The following CSMD3 variants were observed in gnomAD, a reference collection of about 807,000 sequenced individuals.
The protein encoded by CSMD3 is CUB and sushi domain-containing protein 3.
CSMD3 carries 177 observed loss-of-function variants against 435.2 expected under a neutral mutation model. That is an observed-to-expected ratio of 0.41 (90% CI 0.36 to 0.46). CSMD3 has a LOEUF of 0.46. CSMD3 is among the 20% of genes least tolerant of loss of function. The pLI, the probability that CSMD3 is intolerant of heterozygous loss-of-function variation, is 0.34. For synonymous variants in CSMD3, 1,656 were observed against 1,520.5 expected (o/e 1.09, Z -2.07); for missense variants, 4,265 against 4,504.6 (o/e 0.95, Z 1.52).
At chr8:113,263,587 T>C (rs553023633) in intron 3 of CSMD3, among the ~76,000 whole-genome samples, 18 of 151,902 alleles carry the variant, frequency 1.2e-4, no homozygotes, top group Non-Finnish European at 2.2e-4. Flanking sequence ...CCTCAACCTA[T>C]GACCAAATGA....
intron 12 of CSMD3, among the ~76,000 whole-genome samples, chr8:112,829,010 A>G (rs1391170549): frequency 6.6e-6 from 1 of 152,144 alleles, no homozygotes; most frequent in Admixed American, 6.5e-5. Context: ...AATTAAAAAG[A>G]AAATAAAAAG....
At chr8:112,477,938 G>T (rs537425465) in intron 31 of CSMD3, among the ~76,000 whole-genome samples, 1 of 152,208 alleles carries the variant, frequency 6.6e-6, no homozygotes, top group East Asian at 1.9e-4. Context: ...CTGGTGGGAG[G>T]TCACTGAATC....
At chr8:113,233,109 G>C (rs2093107531) in intron 3 of CSMD3, among the ~76,000 whole-genome samples, 1 of 151,588 alleles carries the variant, frequency 6.6e-6, no homozygotes. Flanking sequence ...AAAAAATTAG[G>C]TATAATACCT....
Position 112,249,088 on chromosome 8 carries a change from G to T in CSMD3, c.10111-1957C>A, listed in dbSNP as rs116110140. On this transcript the variant is annotated intron_variant, in intron 63 of 70. Coordinates refer to ENST00000297405, the MANE Select transcript of CSMD3 (RefSeq NM_198123.2). ...ATACAGTTTGCAGTTCTATTCTTCAGTCAAACCAGTTCTACAAAATCCATC... is the reference window on the plus strand; with the variant it reads ...ATACAGTTTGCAGTTCTATTCTTCATTCAAACCAGTTCTACAAAATCCATC... Among the ~76,000 whole-genome samples, 504 of 152,140 alleles carry T rather than the reference G, an allele frequency of 3.3e-3. 4 individuals are homozygous for T. The highest frequency in any genetic ancestry group is 0.012 in the African/African-American group (490 of 41,520).
At chr8:113,170,790 T>G (rs904510464) in intron 4 of CSMD3, among the ~76,000 whole-genome samples, 5 of 152,132 alleles carry the variant, frequency 3.3e-5, no homozygotes, top group African/African-American at 1.2e-4. Flanking sequence ...AGTAAATTTA[T>G]TCATTAGTTT....
At chr8:112,277,603 G>A (rs1189474576) in intron 59 of CSMD3, among the ~76,000 whole-genome samples, 1 of 152,106 alleles carries the variant, frequency 6.6e-6, no homozygotes, top group East Asian at 1.9e-4. Context: ...CTTTACAGCA[G>A]CACCCAACTG....
At chr8:113,090,479 T>C (rs924273078) in intron 5 of CSMD3, among the ~76,000 whole-genome samples, 12 of 152,128 alleles carry the variant, frequency 7.9e-5, no homozygotes, top group African/African-American at 2.9e-4. Flanking sequence ...TTTTAGAAAA[T>C]TGTAGGTTCT....
At chr8:112,312,546 G>C (rs570441725) in intron 49 of CSMD3, among the ~76,000 whole-genome samples, 1 of 152,030 alleles carries the variant, frequency 6.6e-6, no homozygotes, top group Admixed American at 6.6e-5. Flanking sequence ...GTGAGCCACC[G>C]CGCCTGGCCA....
chr8:113,168,471 G>C (rs1221609243), intron 4 of CSMD3, among the ~76,000 whole-genome samples: 2 of 127,952 alleles, frequency 1.6e-5, no homozygotes, highest in African/African-American at 5.9e-5. Context: ...CAGTAAGCCG[G>C]GATCGTGCCA....
intron 28 of CSMD3, among the ~76,000 whole-genome samples, chr8:112,514,940 A>T (rs1263438045): frequency 3.3e-5 from 5 of 151,884 alleles, no homozygotes; most frequent in African/African-American, 1.2e-4. Context: ...GCTCTAATTT[A>T]TATCTTCCCC....
At chr8:113,133,628 T>A (rs535545399) in intron 4 of CSMD3, among the ~76,000 whole-genome samples, 5 of 152,236 alleles carry the variant, frequency 3.3e-5, no homozygotes, top group African/African-American at 9.6e-5. Flanking sequence ...TATTTGCACA[T>A]CCATGTTCAT....
chr8:112,808,684 A>T (rs1291919790), intron 12 of CSMD3, among the ~76,000 whole-genome samples: 1 of 152,036 alleles, frequency 6.6e-6, no homozygotes, highest in Admixed American at 6.6e-5. Flanking sequence ...TCCTGTAACC[A>T]TTTATCTTTT....
At position 113,040,188 on chromosome 8, in the gene CSMD3, T is replaced by C. The variant is rs1241623321; in HGVS notation, c.918-21009A>G. On this transcript the variant is annotated intron_variant, in intron 5 of 70. Transcript: ENST00000297405. Reference sequence around the variant, plus strand: ...CCATGTAGTTATATGAGATATATCATATATATGCATGGAATCTTGAGCAGG... The same window carrying C: ...CCATGTAGTTATATGAGATATATCACATATATGCATGGAATCTTGAGCAGG... Among the ~76,000 whole-genome samples the C allele has an allele frequency of 2.0e-5, 3 of 152,118 alleles. No homozygotes were observed. The East Asian group carries it at 5.8e-4, about 29-fold the overall frequency.
At chr8:112,735,635 C>A (rs1236763945) in intron 13 of CSMD3, among the ~76,000 whole-genome samples, 1 of 151,994 alleles carries the variant, frequency 6.6e-6, no homozygotes, top group Non-Finnish European at 1.5e-5. Context: ...CTGATCCCTG[C>A]AGCTTGCTAA....
At chr8:112,252,640 T>C (rs919116598) in intron 63 of CSMD3, among the ~76,000 whole-genome samples, 2 of 149,116 alleles carry the variant, frequency 1.3e-5, no homozygotes, top group South Asian at 4.2e-4. Flanking sequence ...TTGTGTTAGA[T>C]CTATACAGAT....
At chr8:112,802,720 C>T (rs1563975473) in intron 12 of CSMD3, among the ~76,000 whole-genome samples, 2 of 151,788 alleles carry the variant, frequency 1.3e-5, no homozygotes, top group Non-Finnish European at 2.9e-5. Context: ...ATTGAGTAGA[C>T]CCCACAGCAG....
chr8:113,239,981 T>G (rs1481627988), intron 3 of CSMD3, among the ~76,000 whole-genome samples: 1 of 152,094 alleles, frequency 6.6e-6, no homozygotes, highest in Non-Finnish European at 1.5e-5. Context: ...CATTAGTAAT[T>G]TTTCCTGATC....
intron 1 of CSMD3, among the ~76,000 whole-genome samples, chr8:113,405,994 T>G (rs2094531110): frequency 6.6e-6 from 1 of 151,836 alleles, no homozygotes; most frequent in Non-Finnish European, 1.5e-5. Flanking sequence ...CTTGCAGACA[T>G]GATCTTGCAA....
intron 1 of CSMD3, among the ~76,000 whole-genome samples, chr8:113,322,902 T>C (rs2132715973): frequency 6.6e-6 from 1 of 152,118 alleles, no homozygotes; most frequent in South Asian, 2.1e-4. Context: ...CCCGCCACCA[T>C]GCCCGGCTAA....
Sources: gnomAD v4.1 joint callset for allele counts (sites outside exome capture counted in the v4.1 genomes callset) on GRCh38, gnomAD v4.1.1 for gene constraint, MANE v1.5 for transcripts, NCBI Gene and HGNC (gene_info 2026-07-23, HGNC 2026-07-21) for gene names.